WDFY4: variants seen among roughly 807,000 people sequenced by gnomAD.
The protein encoded by WDFY4 is WD repeat- and FYVE domain-containing protein 4.
A neutral mutation model predicts 351.9 loss-of-function variants in WDFY4; 169 were observed. That is an observed-to-expected ratio of 0.48 (90% CI 0.42 to 0.55). The LOEUF is 0.55. WDFY4 is among the 20% of genes least tolerant of loss of function. WDFY4 has a pLI of 0.00. For synonymous variants in WDFY4, 1,622 were observed against 1,574.6 expected (o/e 1.03, Z -0.71); for missense variants, 3,803 against 3,935.6 (o/e 0.97, Z 0.90).
intron 31 of WDFY4, among the ~76,000 whole-genome samples, chr10:48,816,774 T>A (rs922119388): frequency 6.6e-6 from 1 of 151,932 alleles, no homozygotes; most frequent in Non-Finnish European, 1.5e-5. Context: ...CATAAAAAGG[T>A]TAAATTTCTA....
chr10:48,716,681 T>C (rs2063921289), intron 2 of WDFY4, among the ~76,000 whole-genome samples: 1 of 152,166 alleles, frequency 6.6e-6, no homozygotes. Context: ...ACAATTACTG[T>C]TCAGCTCACA....
intron 31 of WDFY4, 144 bp downstream of exon 31, chr10:48,814,226 T>C: frequency 8.4e-7 from 1 of 1,184,386 alleles, no homozygotes; most frequent in Non-Finnish European, 1.1e-6. Context: ...GGTAAGTTCC[T>C]AGAGTGACTC....
At chr10:48,767,331 G>A (rs1292618649) in intron 13 of WDFY4, among the ~76,000 whole-genome samples, 1 of 152,196 alleles carries the variant, frequency 6.6e-6, no homozygotes. Context: ...GGCTCCCCAC[G>A]CCTGCTCCCT....
chr10:48,733,297 TTTCATTCATTCA>T (rs57440826), intron 9 of WDFY4, among the ~76,000 whole-genome samples: 2 of 152,100 alleles, frequency 1.3e-5, no homozygotes, highest in Admixed American at 1.3e-4. Flanking sequence ...TAAACTCTAT[TTTCATTCATTCA>T]TTCATTCATT....
At chr10:48,767,782 G>C (rs2065719163) in intron 13 of WDFY4, among the ~76,000 whole-genome samples, 2 of 152,168 alleles carry the variant, frequency 1.3e-5, no homozygotes, top group African/African-American at 4.8e-5. Context: ...TTAGGGCAAG[G>C]TCAGTAATAG....
Position 48,934,725 on chromosome 10 carries a change from G to A in WDFY4, c.7587-7081G>A, listed in dbSNP as rs115989283. On this transcript the variant is annotated intron_variant, in intron 47 of 61. Coordinates refer to ENST00000325239, the MANE Select transcript of WDFY4 (RefSeq NM_001394531.1). ...TTGTTCTGCTGGGCTGGACCCTCCT[G>A]AACGAAGAAGCAGTCACAGCTTAGT... Among the ~76,000 whole-genome samples, 443 of 152,344 alleles carry A rather than the reference G, an allele frequency of 2.9e-3. 6 individuals are homozygous for A. Among genetic ancestry groups the A allele is most frequent in the African/African-American group, 0.01 (421 of 41,582 alleles).
intron 24 of WDFY4, among the ~76,000 whole-genome samples, chr10:48,803,043 T>A (rs1343046634): frequency 6.6e-6 from 1 of 151,986 alleles, no homozygotes; most frequent in Non-Finnish European, 1.5e-5. Context: ...GCGTCCTTGG[T>A]TGGAACCAGG....
At chr10:48,712,317 A>G (rs1442082476) in intron 2 of WDFY4, among the ~76,000 whole-genome samples, 3 of 152,322 alleles carry the variant, frequency 2.0e-5, no homozygotes, top group Admixed American at 6.5e-5. Context: ...GAAAGTAGAC[A>G]TTATTCCCAT....
chr10:48,982,758 T>C lies in WDFY4; in HGVS notation c.*183T>C. 2 of 638,482 alleles carry C rather than the reference T, an allele frequency of 3.1e-6. No homozygotes were observed. Among genetic ancestry groups the C allele is most frequent in the East Asian group, 3.4e-5 (1 of 29,598 alleles). 39.6% of individuals were successfully genotyped at this position (638,482 alleles called of 1,614,324 possible). ...CCCTCTCCATGGCCGATGGGACTTC[T>C]ATGAAAAGGATGAGCACACACACTC... On this transcript the variant is annotated 3_prime_UTR_variant, in exon 62 of 62. Transcript: ENST00000325239.
In WDFY4 at chr10:48,817,304, G is replaced by A; in HGVS notation, c.5400G>A (p.Gln1800=). ...WAQTFPASVL[Q]FLSLVHRTYP... Reference sequence around the variant, plus strand: ...AGACCTTCCCGGCCAGCGTGCTGCAGTTCCTCAGCCTCGTCCACCGCACCT... The same window carrying A: ...AGACCTTCCCGGCCAGCGTGCTGCAATTCCTCAGCCTCGTCCACCGCACCT... The change falls in exon 32 of 62, where the codon CAG becomes CAA. Residue 1800 remains glutamine (Q), a synonymous_variant. Coordinates refer to ENST00000325239, the MANE Select transcript of WDFY4 (RefSeq NM_001394531.1). The A allele has an allele frequency of 1.9e-6, 3 of 1,551,742 alleles. No individual in the cohort carries two copies. The highest frequency in any genetic ancestry group is 2.6e-6 in the Non-Finnish European group (3 of 1,147,014).
chr10:48,891,557 T>G (rs1424050713), intron 44 of WDFY4, among the ~76,000 whole-genome samples: 1 of 152,264 alleles, frequency 6.6e-6, no homozygotes, highest in African/African-American at 2.4e-5. Context: ...CTTTTCCAGT[T>G]GACCCAGGTT....
chr10:48,779,055 C>A (rs1419105245), intron 18 of WDFY4, among the ~76,000 whole-genome samples: 1 of 152,202 alleles, frequency 6.6e-6, no homozygotes, highest in Non-Finnish European at 1.5e-5. Flanking sequence ...GCAGATGAGG[C>A]CCCAGCCCTT....
chr10:48,783,396 G>C (rs1302135002), intron 19 of WDFY4, among the ~76,000 whole-genome samples: 2 of 151,196 alleles, frequency 1.3e-5, no homozygotes, highest in African/African-American at 4.9e-5. Context: ...GAATATTTTT[G>C]AGCCAAAGTT....
At chr10:48,923,574 A>G (rs1839314025) in intron 47 of WDFY4, among the ~76,000 whole-genome samples, 1 of 148,852 alleles carries the variant, frequency 6.7e-6, no homozygotes, top group South Asian at 2.2e-4. Context: ...GGCCTAAACA[A>G]TCAGTAAATT....
intron 17 of WDFY4, among the ~76,000 whole-genome samples, chr10:48,777,950 T>C (rs995392508): frequency 1.3e-5 from 2 of 152,228 alleles, no homozygotes; most frequent in African/African-American, 2.4e-5. Flanking sequence ...ATGGACACAT[T>C]ACCTGCCTTA....
rs563358672 is a variant in WDFY4 at position 48,871,809 on chromosome 10, A to C, written c.6742-1682A>C. On this transcript the variant is annotated intron_variant, in intron 40 of 61. Coordinates refer to ENST00000325239, the MANE Select transcript of WDFY4 (RefSeq NM_001394531.1). ...TCTTATTAACCAATTGGAGTACTAC[A>C]TAAAATGCTAGCACTGTTTGGGATA... 5.3e-5 allele frequency among the ~76,000 whole-genome samples: 8 copies of C among 152,314 alleles called. No individual in the cohort carries two copies. The South Asian group carries it at 8.3e-4, about 16-fold the overall frequency.
chr10:48,703,385 G>T (rs1189752227), intron 1 of WDFY4, among the ~76,000 whole-genome samples: 1 of 152,176 alleles, frequency 6.6e-6, no homozygotes, highest in Non-Finnish European at 1.5e-5. Flanking sequence ...AAGGCCTGAG[G>T]GCCATGGCCC....
At chr10:48,791,016 G>A in intron 23 of WDFY4, 99 bp downstream of exon 23, 2 of 1,424,888 alleles carry the variant, frequency 1.4e-6, no homozygotes, top group Non-Finnish European at 1.9e-6. Context: ...ATTCCCTCCA[G>A]GGTGACTTCT....
chr10:48,847,103 C>T (rs1227014017), intron 39 of WDFY4, among the ~76,000 whole-genome samples: 1 of 152,124 alleles, frequency 6.6e-6, no homozygotes, highest in Non-Finnish European at 1.5e-5. Context: ...TATTGTCTCG[C>T]AGTCCCGGAG....
Sources: gnomAD v4.1 joint callset for allele counts (sites outside exome capture counted in the v4.1 genomes callset) on GRCh38, gnomAD v4.1.1 for gene constraint, MANE v1.5 for transcripts, NCBI Gene and HGNC (gene_info 2026-07-23, HGNC 2026-07-21) for gene names.